ZNF682: variants seen among roughly 807,000 people sequenced by gnomAD.
ZNF682 encodes the protein zinc finger protein 682.
ZNF682 carries 29 observed loss-of-function variants against 36.5 expected under a neutral mutation model. The ratio of observed to expected loss-of-function variants is 0.80; its 90% CI spans 0.59 to 1.08. The LOEUF (loss-of-function observed/expected upper bound fraction) is 1.08, where lower values mean the gene tolerates loss of function less well. ZNF682 is among the 50% of genes least tolerant of loss of function. The pLI, the probability that ZNF682 is intolerant of heterozygous loss-of-function variation, is 0.00. For synonymous variants in ZNF682, 180 were observed against 197.0 expected (o/e 0.91, Z 0.72); for missense variants, 561 against 579.7 (o/e 0.97, Z 0.33).
intron 1 of ZNF682, among the ~76,000 whole-genome samples, chr19:20,037,529 G>A (rs2088541599): frequency 6.6e-6 from 1 of 152,200 alleles, no homozygotes; most frequent in Admixed American, 6.5e-5. Flanking sequence ...CGGCAATACT[G>A]ATTGGAACAC....
chr19:20,036,244 A>T (rs892299943), intron 1 of ZNF682, among the ~76,000 whole-genome samples: 1 of 152,142 alleles, frequency 6.6e-6, no homozygotes, highest in Non-Finnish European at 1.5e-5. Context: ...TATCGTTTTT[A>T]TCTCTCCAGA....
chr19:19,997,063 A>C, exon 4 of ZNF682: 1 of 394,100 alleles, frequency 2.5e-6, no homozygotes, highest in Non-Finnish European at 4.5e-6. Context: ...CAGGCATAAG[A>C]CAAGGAAAAA....
Position 20,015,754 on chromosome 19 carries a change from T to G in ZNF682, c.226+7250A>C, listed in dbSNP as rs991499345. ...CATAAAAAGCTTTGAGAAAATAATT[T>G]TTAAGAAATAAGCACTTACATAATA... On this transcript the variant is annotated intron_variant, in intron 3 of 3. Coordinates refer to ENST00000397165, the MANE Select transcript of ZNF682 (RefSeq NM_033196.3). 38 of 397,624 alleles carry G rather than the reference T, an allele frequency of 9.6e-5. No homozygotes were observed. In the Admixed American group the frequency reaches 1.5e-3, roughly 15 times the overall value. The allele number at this position is 397,624 out of a possible 1,614,324, so 24.6% of individuals were successfully genotyped here.
Position 20,006,716 on chromosome 19 carries a change from A to T in ZNF682, c.786T>A (p.Cys262Ter), listed in dbSNP as rs2088225696. The T allele has an allele frequency of 6.2e-7, 1 of 1,613,960 alleles. No individual in the cohort carries two copies. Among genetic ancestry groups the T allele is most frequent in the Non-Finnish European group, 8.5e-7 (1 of 1,179,968 alleles). The change falls in exon 4 of 4, where the codon TGT (cysteine) becomes TGA (stop). Residue 262 changes from cysteine to a stop codon, truncating the protein, a stop_gained. Transcript: ENST00000397165. LOFTEE classifies it high-confidence loss of function. ...GTGAACACCAGTGAAAGGCTTTTCC[A>T]CATTCTTCACATTTGTAGGGTTTCT... ...TGEKPYKCEE[C>*]GKAFHWCSPF...
rs923683579 is a variant in ZNF682 at position 20,028,614 on chromosome 19, C to T, written c.4-4238G>A. The stretch of plus-strand genomic sequence containing the variant: ...TATAACAGCACTCAACTAGACAAAG[C>T]GCCACAGCACACAGTCCCTTATACC... On this transcript the variant is annotated intron_variant, in intron 1 of 3. Coordinates refer to ENST00000397165, the MANE Select transcript of ZNF682 (RefSeq NM_033196.3). Among the ~76,000 whole-genome samples the T allele has an allele frequency of 7.2e-5, 11 of 152,132 alleles. No homozygotes were observed. In the South Asian group the frequency reaches 8.3e-4, roughly 11 times the overall value.
chr19:20,028,962 T>C (rs1343498207), intron 1 of ZNF682, among the ~76,000 whole-genome samples: 1 of 149,260 alleles, frequency 6.7e-6, no homozygotes, highest in Non-Finnish European at 1.5e-5. Context: ...TTTAAATTTC[T>C]TCTTGTTCTA....
chr19:20,014,515 T>C (rs1468312335), intron 3 of ZNF682, among the ~76,000 whole-genome samples: 1 of 151,834 alleles, frequency 6.6e-6, no homozygotes, highest in Admixed American at 6.6e-5. Context: ...TTCATGCCTG[T>C]AATCCCAGGA....
chr19:20,006,428 T>A lies in ZNF682; in HGVS notation c.1074A>T (p.Glu358Asp). ...KAFNSSSILT[E>D]HKVIHSGEKP... ...TCTCTCCGCTATGAATTACCTTATG[T>A]TCAGTAAGAATTGATGATGAGTTAA... The change falls in exon 4 of 4, where the codon GAA becomes GAT. Residue 358 changes from glutamate to aspartate, a missense_variant. Transcript: ENST00000397165. 6.2e-7 allele frequency: 1 copy of A among 1,613,858 alleles called. No individual in the cohort carries two copies. Among genetic ancestry groups the A allele is most frequent in the Non-Finnish European group, 8.5e-7 (1 of 1,179,954 alleles).
At chr19:20,009,336 T>C (rs1258484997) in intron 3 of ZNF682, among the ~76,000 whole-genome samples, 1 of 152,016 alleles carries the variant, frequency 6.6e-6, no homozygotes, top group African/African-American at 2.4e-5. Flanking sequence ...GAAAAAAGAA[T>C]TCACTACAAA....
chr19:20,006,505 T>C lies in ZNF682; in HGVS notation c.997A>G (p.Arg333Gly), dbSNP rs768139505. 3.7e-6 allele frequency: 6 copies of C among 1,614,020 alleles called. No homozygotes were observed. The African/African-American group carries it at 6.7e-5, about 18-fold the overall frequency. ...TAGGGTTTCTCTCCCGTATGGGTTCTCTCATGTATAGTAAGTAGTGAGCAG... is the reference window on the plus strand; with the variant it reads ...TAGGGTTTCTCTCCCGTATGGGTTCCCTCATGTATAGTAAGTAGTGAGCAG... ...NHCSLLTIHERTHTGEKPYKC... is the reference protein window; with the variant it reads ...NHCSLLTIHEGTHTGEKPYKC... The change falls in exon 4 of 4, where the codon AGA (arginine) becomes GGA (glycine). Residue 333 changes from arginine to glycine, a missense_variant. Arg to Gly is a moderately radical substitution (Grantham distance 125). Coordinates refer to ENST00000397165, the MANE Select transcript of ZNF682 (RefSeq NM_033196.3).
chr19:20,037,146 G>C (rs1171107284), intron 1 of ZNF682, among the ~76,000 whole-genome samples: 4 of 152,230 alleles, frequency 2.6e-5, no homozygotes. Flanking sequence ...CCATGGTCTT[G>C]AACTACTGGA....
chr19:20,035,002 A>T (rs2088515573), intron 1 of ZNF682, among the ~76,000 whole-genome samples: 1 of 56,148 alleles, frequency 1.8e-5, no homozygotes, highest in Non-Finnish European at 4.0e-5. Flanking sequence ...AGGCTGAGGT[A>T]TGAGAATATC....
At chr19:20,020,290 G>A (rs995649066) in intron 3 of ZNF682, among the ~76,000 whole-genome samples, 11 of 152,104 alleles carry the variant, frequency 7.2e-5, no homozygotes, top group African/African-American at 2.7e-4. Context: ...GAGGTCAGGA[G>A]TTCGAGACCA....
intron 3 of ZNF682, among the ~76,000 whole-genome samples, chr19:20,012,119 A>G (rs1386980585): frequency 6.6e-6 from 1 of 152,190 alleles, no homozygotes; most frequent in Non-Finnish European, 1.5e-5. Flanking sequence ...ATAGTGCTAA[A>G]CTTTTATATC....
At chr19:20,011,749 G>A (rs1287197552) in intron 3 of ZNF682, among the ~76,000 whole-genome samples, 3 of 152,130 alleles carry the variant, frequency 2.0e-5, no homozygotes, top group African/African-American at 7.2e-5. Flanking sequence ...AATAAAAATG[G>A]TGACGAGGCC....
At chr19:20,028,202 T>C (rs1378538171) in intron 1 of ZNF682, among the ~76,000 whole-genome samples, 1 of 99,178 alleles carries the variant, frequency 1.0e-5, no homozygotes, top group Non-Finnish European at 2.2e-5. Flanking sequence ...CCAGACTAAT[T>C]TGATTCTGCA....
chr19:20,022,505 T>TA (rs1254248923), intron 3 of ZNF682, among the ~76,000 whole-genome samples: 1 of 151,742 alleles, frequency 6.6e-6, no homozygotes, highest in African/African-American at 2.4e-5. Context: ...CCATCTCTAC[T>TA]AAAAATACAA....
At chr19:20,010,019 C>G (rs965789593) in intron 3 of ZNF682, among the ~76,000 whole-genome samples, 1 of 150,682 alleles carries the variant, frequency 6.6e-6, no homozygotes, top group African/African-American at 2.4e-5. Flanking sequence ...GACTCCATCT[C>G]AACAACAACA....
chr19:20,030,644 C>T (rs1331139415), intron 1 of ZNF682: 2 of 152,166 alleles, frequency 1.3e-5, no homozygotes, highest in Non-Finnish European at 2.9e-5. Flanking sequence ...ATGGTGACAT[C>T]AGAGTTCCCA....
Sources: allele counts gnomAD v4.1 joint callset (sites outside exome capture counted in the v4.1 genomes callset), GRCh38; gene constraint gnomAD v4.1.1; transcripts MANE v1.5; gene names NCBI Gene and HGNC (gene_info 2026-07-23, HGNC 2026-07-21).